Variants in SEC24D observed in about 807,000 individuals in gnomAD.
SEC24D encodes the protein protein transport protein Sec24D.
Under a neutral mutation model 116.9 loss-of-function variants are expected in SEC24D, and 69 were observed. That is an observed-to-expected ratio of 0.59 (90% CI 0.49 to 0.72). The LOEUF (loss-of-function observed/expected upper bound fraction) is 0.72, where lower values mean the gene tolerates loss of function less well. Among genes scored for constraint, SEC24D ranks in the 30% least tolerant of loss-of-function variants. SEC24D has a pLI of 0.00. For missense variants in SEC24D, 1,131 were observed against 1,264.1 expected (o/e 0.89, Z 1.60); for synonymous variants, 405 against 442.8 (o/e 0.91, Z 1.07).
chr4:118,740,776 A>G lies in SEC24D; in HGVS notation c.2125T>C (p.Leu709=). The change falls in exon 17 of 23, where the codon TTG becomes CTG. Residue 709 remains leucine, a synonymous_variant. Coordinates refer to ENST00000280551, the MANE Select transcript of SEC24D (RefSeq NM_014822.4). ...FRATDFFGGI[L]MNNTTDVEMA... is the part of the protein sequence containing the mutation. ...TCTACATCGGTGGTGTTGTTCATCA[A>G]GATTCCACCAAAGAAATCAGTGGCT... 6.2e-7 allele frequency: 1 copy of G among 1,613,962 alleles called. No homozygotes were observed. Among genetic ancestry groups the G allele is most frequent in the Non-Finnish European group, 8.5e-7 (1 of 1,179,888 alleles).
intron 11 of SEC24D, among the ~76,000 whole-genome samples, chr4:118,754,983 G>A (rs4572856): frequency 0.041 from 6,206 of 152,128 alleles, 377 homozygotes; most frequent in African/African-American, 0.14. Context: ...ATTTCCCATT[G>A]GATTTGGACA....
intron 8 of SEC24D, among the ~76,000 whole-genome samples, chr4:118,786,328 A>G (rs187457496): frequency 1.9e-3 from 293 of 152,306 alleles, no homozygotes; most frequent in African/African-American, 6.9e-3. Flanking sequence ...TTGTTTCTTA[A>G]AAGTATAATT....
intron 19 of SEC24D, among the ~76,000 whole-genome samples, chr4:118,734,021 T>C (rs919525890): frequency 6.6e-6 from 1 of 151,546 alleles, no homozygotes; most frequent in African/African-American, 2.4e-5. Flanking sequence ...AACTTTCTCC[T>C]AAATCAATAT....
chr4:118,765,981 GA>G (rs1727626843), intron 9 of SEC24D, among the ~76,000 whole-genome samples: 1 of 152,168 alleles, frequency 6.6e-6, no homozygotes, highest in African/African-American at 2.4e-5. Context: ...AGTAGCAACT[GA>G]CAGGCTCAGC....
chr4:118,734,007 G>T (rs1030397072), intron 19 of SEC24D, among the ~76,000 whole-genome samples: 4 of 151,470 alleles, frequency 2.6e-5, no homozygotes, highest in Admixed American at 1.3e-4. Context: ...GTCCTATATT[G>T]TTTAACTTTC....
At chr4:118,775,363 AAAG>A (rs1417371892) in intron 8 of SEC24D, among the ~76,000 whole-genome samples, 1 of 151,808 alleles carries the variant, frequency 6.6e-6, no homozygotes, top group East Asian at 1.9e-4. Flanking sequence ...AAAAAAAAAA[AAAG>A]AAGAAATCTT....
intron 4 of SEC24D, 49 bp from the exon 5 acceptor site, chr4:118,815,775 C>A (rs776438844): frequency 6.3e-7 from 1 of 1,591,814 alleles, no homozygotes; most frequent in East Asian, 2.2e-5. Context: ...TTTCTCAACT[C>A]TCTGACTTCT....
At position 118,824,666 on chromosome 4, in the gene SEC24D, G is replaced by C; in HGVS notation, c.202C>G (p.Gln68Glu). ...GCATGAGCTCCATTCTGACCAAACT[G>C]ATGGGGTCCAGGAGGTGGGGGACCC... ...PPGPPPPGPH[Q>E]FGQNGAHATG... The change falls in exon 3 of 23, where the codon CAG becomes GAG. Residue 68 changes from glutamine to glutamate, a missense_variant. By Grantham distance (29) the Gln-to-Glu change is conservative (BLOSUM62 2). Coordinates refer to ENST00000280551, the MANE Select transcript of SEC24D (RefSeq NM_014822.4). 6.2e-7 allele frequency: 1 copy of C among 1,608,724 alleles called. No homozygotes were observed.
At chr4:118,782,952 A>G (rs1329865724) in intron 8 of SEC24D, among the ~76,000 whole-genome samples, 1 of 152,082 alleles carries the variant, frequency 6.6e-6, no homozygotes, top group African/African-American at 2.4e-5. Context: ...TGCTAAGACC[A>G]TTGGAAAAGC....
rs140165893 is a variant in SEC24D, at chr4:118,746,727, GCA to G, written c.1708-1669_1708-1668del. The stretch of plus-strand genomic sequence containing the variant: ...CTGCCTGCAGCTGTTATTTGCAAAG[GCA>G]CAGTGTGCCTGGCTCATTTGCAAGA... On this transcript the variant is annotated intron_variant, in intron 13 of 22. Coordinates refer to ENST00000280551, the MANE Select transcript of SEC24D (RefSeq NM_014822.4). 2.0e-5 allele frequency among the ~76,000 whole-genome samples: 3 copies of G among 152,180 alleles called. No individual in the cohort carries two copies. In the East Asian group the frequency reaches 5.8e-4, roughly 29 times the overall value.
Position 118,821,261 on chromosome 4 carries a change from CATATCAGCTTCA to C in SEC24D, c.248+3347_248+3358del, listed in dbSNP as rs1269525733. Among the ~76,000 whole-genome samples, 4 of 152,320 alleles carry C rather than the reference CATATCAGCTTCA, an allele frequency of 2.6e-5. No individual in the cohort carries two copies. In the East Asian group the frequency reaches 7.7e-4, roughly 29 times the overall value. On this transcript the variant is annotated intron_variant, in intron 3 of 22. Transcript: ENST00000280551. ...AAATCAATTTCTTAGTAGATTCACA[CATATCAGCTTCA>C]ATTTGGGAAGATGGGTCCACTGTTC...
At position 118,833,716 on chromosome 4, in the gene SEC24D, A is replaced by T; in HGVS notation, c.-20T>A. ...ACTCATTATGAAAATATCATTCCAT[A>T]GGATAATTCTACAAAAGAAGTCTGC... On this transcript the variant is annotated 5_prime_UTR_variant, in exon 2 of 23. Coordinates refer to ENST00000280551, the MANE Select transcript of SEC24D (RefSeq NM_014822.4). 1 of 1,539,962 alleles carries T rather than the reference A, an allele frequency of 6.5e-7. No individual in the cohort carries two copies. Among genetic ancestry groups the T allele is most frequent in the South Asian group, 1.1e-5 (1 of 87,166 alleles).
At chr4:118,818,255 T>C (rs1267211186) in intron 3 of SEC24D, among the ~76,000 whole-genome samples, 1 of 152,158 alleles carries the variant, frequency 6.6e-6, no homozygotes, top group East Asian at 1.9e-4. Context: ...TTTTCCCAAA[T>C]GGTATACTCT....
Position 118,752,087 on chromosome 4 carries a change from A to G in SEC24D, c.1616T>C (p.Leu539Ser), listed in dbSNP as rs753930200. 2 of 1,597,432 alleles carry G rather than the reference A, an allele frequency of 1.3e-6. No individual in the cohort carries two copies. Among genetic ancestry groups the G allele is most frequent in the Non-Finnish European group, 1.7e-6 (2 of 1,166,244 alleles). Residue 539 changes from leucine (L) to serine (S), a missense_variant and splice_region_variant, in exon 13 of 23, where the codon TTG (leucine) becomes TCG (serine). Transcript: ENST00000280551. ...AAACATGTCTGGAATCTGGTCCAAC[A>G]AACTATAAGACATGAGTAAGCAAAA... Reference protein sequence around the residue: ...YQESQSVIHNLLDQIPDMFAD... With the variant: ...YQESQSVIHNSLDQIPDMFAD...
At chr4:118,769,004 T>C (rs1727772605) in intron 8 of SEC24D, among the ~76,000 whole-genome samples, 1 of 152,188 alleles carries the variant, frequency 6.6e-6, no homozygotes, top group African/African-American at 2.4e-5. Context: ...AGATTATAAA[T>C]AAAGAGAGTT....
chr4:118,830,170 T>C (rs1261411419), intron 2 of SEC24D, among the ~76,000 whole-genome samples: 1 of 152,244 alleles, frequency 6.6e-6, no homozygotes, highest in Non-Finnish European at 1.5e-5. Flanking sequence ...GAGAGTATAA[T>C]AGCCTGGTTA....
chr4:118,810,193 G>A (rs4833592), intron 6 of SEC24D, among the ~76,000 whole-genome samples: 1 of 146,810 alleles, frequency 6.8e-6, no homozygotes, highest in African/African-American at 2.5e-5. Flanking sequence ...GCAGACTATT[G>A]TAAGAACTTT....
At position 118,829,933 on chromosome 4, in the gene SEC24D, T is replaced by C. The variant is rs142500376; in HGVS notation, c.118+3646A>G. Among the ~76,000 whole-genome samples, 1,411 of 152,254 alleles carry C rather than the reference T, an allele frequency of 9.3e-3. 17 individuals carry two copies. Among genetic ancestry groups the C allele is most frequent in the African/African-American group, 0.031 (1,307 of 41,556 alleles). ...GAGTTAGCACTGGCCAGATCTACAG[T>C]GGAATAGATACTTCAAAGAACCACA... On this transcript the variant is annotated intron_variant, in intron 2 of 22. Coordinates refer to ENST00000280551, the MANE Select transcript of SEC24D (RefSeq NM_014822.4).
chr4:118,753,697 G>T (rs959004977), intron 11 of SEC24D, among the ~76,000 whole-genome samples: 1 of 151,918 alleles, frequency 6.6e-6, no homozygotes, highest in Non-Finnish European at 1.5e-5. Flanking sequence ...TTAGTTTCAT[G>T]TTTGTTGAGT....
Sources: gnomAD v4.1 joint callset for allele counts (sites outside exome capture counted in the v4.1 genomes callset) on GRCh38, gnomAD v4.1.1 for gene constraint, MANE v1.5 for transcripts, NCBI Gene and HGNC (gene_info 2026-07-23, HGNC 2026-07-21) for gene names.